Variants in ATRNL1 observed in about 807,000 individuals in gnomAD.
ATRNL1 encodes attractin like 1.
Under a neutral mutation model 182.7 loss-of-function variants are expected in ATRNL1, and 95 were observed. The ratio of observed to expected loss-of-function variants is 0.52; its 90% CI spans 0.44 to 0.62. ATRNL1 has a LOEUF of 0.62. ATRNL1 is among the 20% of genes least tolerant of loss of function. ATRNL1 has a pLI of 0.00. For missense variants in ATRNL1, 1,471 were observed against 1,679.5 expected (o/e 0.88, Z 2.17); for synonymous variants, 576 against 568.3 (o/e 1.01, Z -0.19).
At chr10:115,336,791 T>G (rs1855498172) in intron 19 of ATRNL1, among the ~76,000 whole-genome samples, 1 of 152,154 alleles carries the variant, frequency 6.6e-6, no homozygotes, top group East Asian at 1.9e-4. Context: ...TTTAGCAAAG[T>G]GAAACCCACA....
Position 115,378,307 on chromosome 10 carries a change from G to GT in ATRNL1, c.3176-16351dup, listed in dbSNP as rs780569974. On this transcript the variant is annotated intron_variant, in intron 19 of 28. Transcript: ENST00000355044. The stretch of plus-strand genomic sequence containing the variant: ...GGGGCAGTAACAGACACGCCCATCT[G>GT]TAGGTCCCTGGGAAGGCAGAACTGA... 8.5e-5 allele frequency among the ~76,000 whole-genome samples: 13 copies of GT among 152,150 alleles called. 1 individual carries two copies. Among genetic ancestry groups the GT allele is most frequent in the Non-Finnish European group, 1.5e-4 (10 of 68,020 alleles).
chr10:115,156,485 G>A (rs1437640126), intron 5 of ATRNL1, among the ~76,000 whole-genome samples: 4 of 152,082 alleles, frequency 2.6e-5, no homozygotes, highest in Admixed American at 2.6e-4. Flanking sequence ...GAGAGATTGT[G>A]GGGCTGGACA....
intron 25 of ATRNL1, among the ~76,000 whole-genome samples, chr10:115,545,546 C>G (rs578050351): frequency 1.3e-5 from 2 of 152,038 alleles, no homozygotes; most frequent in South Asian, 4.2e-4. Flanking sequence ...TTATGTTGTC[C>G]TTATACATCA....
At chr10:115,881,042 T>C (rs1951815935) in intron 28 of ATRNL1, among the ~76,000 whole-genome samples, 1 of 152,172 alleles carries the variant, frequency 6.6e-6, no homozygotes, top group Admixed American at 6.5e-5. Flanking sequence ...TGTATTTTTG[T>C]GGAGCTGTCC....
intron 5 of ATRNL1, 80 bp downstream of exon 5, chr10:115,129,615 T>A (rs1274421857): frequency 1.6e-6 from 2 of 1,224,868 alleles, no homozygotes; most frequent in Admixed American, 4.0e-5. Flanking sequence ...CACGTTTGTT[T>A]CGTTATAGTT....
chr10:115,278,813 A>G (rs915337325), intron 13 of ATRNL1, among the ~76,000 whole-genome samples: 12 of 152,180 alleles, frequency 7.9e-5, no homozygotes, highest in African/African-American at 2.9e-4. Context: ...ATGTCAAGTC[A>G]GTTGGATGAT....
chr10:115,870,908 A>G (rs1951563926), intron 28 of ATRNL1, among the ~76,000 whole-genome samples: 1 of 152,186 alleles, frequency 6.6e-6, no homozygotes, highest in Non-Finnish European at 1.5e-5. Context: ...TAAAACATAT[A>G]AATTTCTAGG....
chr10:115,858,043 A>G (rs1951226794), intron 28 of ATRNL1, among the ~76,000 whole-genome samples: 1 of 152,220 alleles, frequency 6.6e-6, no homozygotes, highest in Admixed American at 6.5e-5. Context: ...GCAATACCCA[A>G]GCTGCCTTTG....
At chr10:115,772,217 A>G (rs1369071434) in intron 27 of ATRNL1, among the ~76,000 whole-genome samples, 1 of 152,254 alleles carries the variant, frequency 6.6e-6, no homozygotes, top group Non-Finnish European at 1.5e-5. Flanking sequence ...AGAAATTCCA[A>G]AAGTATTGAT....
chr10:115,223,929 A>ATATATTTTTTTTTTTTTT (rs1420143943), intron 9 of ATRNL1, among the ~76,000 whole-genome samples: 4 of 44,732 alleles, frequency 8.9e-5, no homozygotes, highest in African/African-American at 3.7e-4. Flanking sequence ...ATATATATAT[A>ATATATTTTTTTTTTTTTT]TTTTTTTTTT....
chr10:115,480,235 C>CACAA (rs782012639), intron 24 of ATRNL1, among the ~76,000 whole-genome samples: 23 of 150,268 alleles, frequency 1.5e-4, no homozygotes, highest in Non-Finnish European at 3.0e-4. Flanking sequence ...CACACACACA[C>CACAA]AAAACAGAAA....
chr10:115,291,278 C>T (rs1459900359), intron 15 of ATRNL1, among the ~76,000 whole-genome samples: 2 of 152,164 alleles, frequency 1.3e-5, no homozygotes, highest in African/African-American at 2.4e-5. Context: ...TTGACTTCTT[C>T]TGTTTCAATT....
intron 27 of ATRNL1, among the ~76,000 whole-genome samples, chr10:115,805,386 TTCTC>T (rs1273017419): frequency 1.3e-5 from 2 of 152,162 alleles, no homozygotes; most frequent in Non-Finnish European, 1.5e-5. Flanking sequence ...TGCAGGTCCA[TTCTC>T]TCTCTGTCAC....
chr10:115,107,960 G>A (rs1844090361), intron 1 of ATRNL1, among the ~76,000 whole-genome samples: 1 of 151,976 alleles, frequency 6.6e-6, no homozygotes, highest in African/African-American at 2.4e-5. Flanking sequence ...CTAGATGGGA[G>A]GGGCAGCCCA....
At chr10:115,153,603 T>G (rs913498257) in intron 5 of ATRNL1, among the ~76,000 whole-genome samples, 2 of 152,194 alleles carry the variant, frequency 1.3e-5, no homozygotes, top group Admixed American at 6.5e-5. Context: ...CTTCTCTCTT[T>G]TCTTCTTCAT....
intron 21 of ATRNL1, among the ~76,000 whole-genome samples, chr10:115,428,210 A>C (rs1845993579): frequency 6.6e-6 from 1 of 151,730 alleles, no homozygotes; most frequent in South Asian, 2.1e-4. Flanking sequence ...TGATTTCCTG[A>C]TTGTTTCTGG....
At chr10:115,543,971 A>G (rs1380414609) in intron 25 of ATRNL1, among the ~76,000 whole-genome samples, 2 of 151,790 alleles carry the variant, frequency 1.3e-5, no homozygotes, top group Non-Finnish European at 2.9e-5. Context: ...AACCTTTCAG[A>G]TCTTTTGATA....
intron 26 of ATRNL1, among the ~76,000 whole-genome samples, chr10:115,657,968 T>C (rs1860429550): frequency 6.6e-6 from 1 of 152,102 alleles, no homozygotes; most frequent in South Asian, 2.1e-4. Context: ...TTACCAAATA[T>C]ATTCTCATAA....
In ATRNL1 at chr10:115,360,840, T is replaced by A. The variant is rs114748725; in HGVS notation, c.3175+26421T>A. On this transcript the variant is annotated intron_variant, in intron 19 of 28. Transcript: ENST00000355044. ...CATTTGACATTTTTTAGGACTACAC[T>A]ATATTATTTTTGTGTATGGATAGAA... 3.1e-3 allele frequency among the ~76,000 whole-genome samples: 466 copies of A among 151,970 alleles called. 4 individuals carry two copies. The highest frequency in any genetic ancestry group is 0.011 in the African/African-American group (448 of 41,538).
Sources: allele counts gnomAD v4.1 joint callset (sites outside exome capture counted in the v4.1 genomes callset), GRCh38; gene constraint gnomAD v4.1.1; transcripts MANE v1.5; gene names NCBI Gene and HGNC (gene_info 2026-07-23, HGNC 2026-07-21).